ARL15: variants seen among roughly 807,000 people sequenced by gnomAD.
ARL15 encodes ARF like GTPase 15, also known as ADP-ribosylation factor-like protein 15.
ARL15 carries 19 observed loss-of-function variants against 25.2 expected under a neutral mutation model. The observed-to-expected ratio is 0.75, with a 90% CI of 0.53 to 1.10. The LOEUF (loss-of-function observed/expected upper bound fraction) is 1.10. Among genes scored for constraint, ARL15 ranks in the 50% least tolerant of loss-of-function variants. The pLI is 0.00. For synonymous variants in ARL15, 94 were observed against 86.8 expected, an observed-to-expected ratio of 1.08 and a Z score of -0.46; for missense variants, 220 against 246.0, an observed-to-expected ratio of 0.89 and a Z score of 0.71.
intron 3 of ARL15, among the ~76,000 whole-genome samples, chr5:54,142,663 T>C (rs968004564): frequency 3.3e-5 from 5 of 151,944 alleles, no homozygotes; most frequent in Non-Finnish European, 7.4e-5. Flanking sequence ...GTTCCGGGAG[T>C]TGTTAGGAGG....
At chr5:53,970,361 C>T (rs1747699166) in intron 4 of ARL15, among the ~76,000 whole-genome samples, 1 of 152,158 alleles carries the variant, frequency 6.6e-6, no homozygotes, top group Non-Finnish European at 1.5e-5. Context: ...TTCTACCATA[C>T]ATTTGAAACC....
intron 3 of ARL15, among the ~76,000 whole-genome samples, chr5:54,117,540 G>A (rs1023300058): frequency 9.9e-5 from 15 of 151,942 alleles, no homozygotes; most frequent in African/African-American, 3.1e-4. Flanking sequence ...CCCTTAATAC[G>A]GCAGTAAAAG....
chr5:54,227,602 A>C (rs906915071), intron 1 of ARL15, among the ~76,000 whole-genome samples: 1 of 152,218 alleles, frequency 6.6e-6, no homozygotes, highest in Non-Finnish European at 1.5e-5. Flanking sequence ...TGCACAGGAG[A>C]CAGCGCAGTT....
chr5:53,985,620 G>A (rs530817147), intron 4 of ARL15, among the ~76,000 whole-genome samples: 2 of 152,168 alleles, frequency 1.3e-5, no homozygotes, highest in Admixed American at 6.5e-5. Flanking sequence ...ATTCATCCAT[G>A]TTGTGGCATA....
intron 4 of ARL15, among the ~76,000 whole-genome samples, chr5:53,898,136 T>C (rs183395374): frequency 6.6e-6 from 1 of 152,326 alleles, no homozygotes; most frequent in African/African-American, 2.4e-5. Flanking sequence ...GAGGTTGGTC[T>C]TGCTATCTCA....
chr5:54,137,687 C>CTT (rs1753645707), intron 3 of ARL15, among the ~76,000 whole-genome samples: 1 of 152,154 alleles, frequency 6.6e-6, no homozygotes, highest in East Asian at 1.9e-4. Context: ...TTTCTTTGTT[C>CTT]TTTTGTTCCT....
intron 1 of ARL15, among the ~76,000 whole-genome samples, chr5:54,224,670 C>T (rs190423829): frequency 8.1e-4 from 123 of 152,230 alleles, no homozygotes; most frequent in African/African-American, 2.8e-3. Context: ...GTTGTCACCA[C>T]CCCTTGAGAG....
chr5:54,282,502 G>A (rs1758083559), intron 1 of ARL15: 2 of 985,394 alleles, frequency 2.0e-6, no homozygotes, highest in Non-Finnish European at 2.4e-6. Context: ...CAAAGACAGG[G>A]ATAATAAAGT....
At chr5:54,127,081 A>G (rs1341021343) in intron 3 of ARL15, among the ~76,000 whole-genome samples, 1 of 151,896 alleles carries the variant, frequency 6.6e-6, no homozygotes, top group Non-Finnish European at 1.5e-5. Flanking sequence ...ATTCCCACCT[A>G]TGAGTGAGAA....
At chr5:53,935,367 C>T (rs1040489091) in intron 4 of ARL15, among the ~76,000 whole-genome samples, 3 of 151,894 alleles carry the variant, frequency 2.0e-5, no homozygotes, top group Non-Finnish European at 2.9e-5. Context: ...ACTTGAATAA[C>T]AAAAAAGAAA....
intron 4 of ARL15, among the ~76,000 whole-genome samples, chr5:54,022,191 C>G (rs1749625445): frequency 6.6e-6 from 1 of 152,082 alleles, no homozygotes; most frequent in East Asian, 1.9e-4. Context: ...AATACTGGAA[C>G]ACTGGGAATA....
intron 3 of ARL15, among the ~76,000 whole-genome samples, chr5:54,121,573 C>G (rs1753077123): frequency 6.6e-6 from 1 of 152,126 alleles, no homozygotes; most frequent in Non-Finnish European, 1.5e-5. Context: ...GTTTAGGGAT[C>G]AAGTATGTTC....
intron 4 of ARL15, among the ~76,000 whole-genome samples, chr5:53,923,860 G>A (rs955891305): frequency 6.6e-5 from 10 of 150,634 alleles, no homozygotes; most frequent in African/African-American, 1.5e-4. Flanking sequence ...GCAAGACTCC[G>A]TCTCAAAAAA....
intron 3 of ARL15, among the ~76,000 whole-genome samples, chr5:54,136,952 C>G (rs1447024144): frequency 1.3e-5 from 2 of 151,898 alleles, no homozygotes; most frequent in African/African-American, 4.8e-5. Context: ...TACACTCTTG[C>G]CTGCCAGTTG....
intron 4 of ARL15, among the ~76,000 whole-genome samples, chr5:53,893,496 T>C (rs867419800): frequency 1.3e-5 from 2 of 151,870 alleles, no homozygotes; most frequent in Admixed American, 6.6e-5. Context: ...TAGTCCCAGC[T>C]CCTCGGGAGG....
chr5:54,196,723 C>A (rs1229842552), intron 1 of ARL15, among the ~76,000 whole-genome samples: 1 of 151,848 alleles, frequency 6.6e-6, no homozygotes, highest in African/African-American at 2.4e-5. Context: ...CTTCATTATT[C>A]TTTAATTATT....
intron 4 of ARL15, among the ~76,000 whole-genome samples, chr5:53,986,697 CAG>C (rs1162680752): frequency 5.9e-5 from 9 of 152,172 alleles, no homozygotes; most frequent in African/African-American, 1.9e-4. Context: ...TTCACAGAGA[CAG>C]AGTTTCAACT....
At chr5:54,027,645 T>C (rs1041314146) in intron 4 of ARL15, among the ~76,000 whole-genome samples, 7 of 152,166 alleles carry the variant, frequency 4.6e-5, no homozygotes, top group Admixed American at 2.0e-4. Flanking sequence ...ATTTTTACTT[T>C]TGCCATTTTG....
rs75564100 is a variant in ARL15 at position 54,080,899 on chromosome 5, A to G, written c.462+32303T>C. Among the ~76,000 whole-genome samples, 8 of 152,332 alleles carry G rather than the reference A, an allele frequency of 5.3e-5. No homozygotes were observed. The East Asian group carries it at 1.5e-3, about 29-fold the overall frequency. On this transcript the variant is annotated intron_variant, in intron 4 of 4. Transcript: ENST00000504924. ...AGGAAGTCCACGATCAAGACGCCAA[A>G]TGGTCAGTTTCTGGTGAGACCTCTC...
Sources: allele counts gnomAD v4.1 joint callset (sites outside exome capture counted in the v4.1 genomes callset), GRCh38; gene constraint gnomAD v4.1.1; transcripts MANE v1.5; gene names NCBI Gene and HGNC (gene_info 2026-07-23, HGNC 2026-07-21).